USP9Y: variants seen among roughly 807,000 people sequenced by gnomAD.
The protein encoded by USP9Y is ubiquitin specific peptidase 9 Y-linked.
USP9Y carries 41 observed loss-of-function variants against 53.1 expected under a neutral mutation model. The observed-to-expected ratio is 0.77, with a 90% CI of 0.60 to 1.00. The LOEUF (loss-of-function observed/expected upper bound fraction) is 1.00, where lower values mean the gene tolerates loss of function less well. USP9Y is among the 50% of genes least tolerant of loss of function. USP9Y has a pLI of 0.00. For synonymous variants in USP9Y, 220 were observed against 173.7 expected, an observed-to-expected ratio of 1.27 and a Z score of -2.09; for missense variants, 567 against 535.8, an observed-to-expected ratio of 1.06 and a Z score of -0.58.
At chrY:12,712,770 C>T (rs2053426053) in intron 3 of USP9Y, among the ~76,000 whole-genome samples, 2 of 32,737 alleles carry the variant, frequency 6.1e-5, no homozygotes, top group Non-Finnish European at 1.5e-4. Flanking sequence ...TGTAATTGAA[C>T]ATTCTATATA....
intron 33 of USP9Y, among the ~76,000 whole-genome samples, chrY:12,828,397 T>C: frequency 3.0e-5 from 1 of 33,756 alleles, no homozygotes; most frequent in East Asian, 7.7e-4. Flanking sequence ...GCTTAGTTGG[T>C]TTAAATCAAT....
chrY:12,775,793 G>A, intron 18 of USP9Y, among the ~76,000 whole-genome samples: 2 of 32,546 alleles, frequency 6.1e-5, no homozygotes, highest in African/African-American at 1.2e-4. Flanking sequence ...ATTCATTATC[G>A]TACGTTGAGA....
chrY:12,735,786 CTTA>C, intron 8 of USP9Y, 59 bp downstream of exon 8: 8 of 268,458 alleles, frequency 3.0e-5, no homozygotes, highest in South Asian at 1.1e-4. Context: ...AATTGCAGCT[CTTA>C]TTAAGTTATG....
At chrY:12,752,694 A>G in intron 12 of USP9Y, among the ~76,000 whole-genome samples, 1 of 32,909 alleles carries the variant, frequency 3.0e-5, no homozygotes, top group African/African-American at 1.2e-4. Context: ...TTCATTGTTA[A>G]TAACGTTAGC....
At chrY:12,817,786 G>A (rs2053537626) in intron 32 of USP9Y, among the ~76,000 whole-genome samples, 2 of 33,640 alleles carry the variant, frequency 5.9e-5, no homozygotes, top group African/African-American at 2.3e-4. Flanking sequence ...TGGCATGCAT[G>A]TGTCTGCCTA....
chrY:12,819,279 G>T (rs2053538931), intron 33 of USP9Y, among the ~76,000 whole-genome samples: 1 of 33,861 alleles, frequency 3.0e-5, no homozygotes, highest in African/African-American at 1.1e-4. Context: ...TATCTATATA[G>T]ATTTTTTTAT....
chrY:12,832,078 T>C, intron 33 of USP9Y, among the ~76,000 whole-genome samples: 2 of 33,072 alleles, frequency 6.0e-5, no homozygotes, highest in Admixed American at 2.8e-4. Context: ...CCCACTTACA[T>C]GAGGTTGTAT....
chrY:12,786,668 A>C lies in USP9Y; in HGVS notation c.3429A>C (p.Glu1143Asp), dbSNP rs756289933. The C allele has an allele frequency of 2.5e-6, 1 of 398,034 alleles. No individual in the cohort carries two copies. Among genetic ancestry groups the C allele is most frequent in the South Asian group, 3.0e-5 (1 of 33,749 alleles). ...RNNFLPNTDM[E>D]TRRGAYLNAL... ...ACTTCTTGCCAAATACAGATATGGA[A>C]ACTCGAAGGGGTGCTTATTTAAATG... Residue 1143 changes from glutamate to aspartate, a missense_variant, in exon 24 of 46, where the codon GAA becomes GAC. Coordinates refer to ENST00000338981, the MANE Select transcript of USP9Y (RefSeq NM_004654.4).
chrY:12,736,588 C>A, intron 10 of USP9Y, 39 bp downstream of exon 10: 1 of 378,390 alleles, frequency 2.6e-6, no homozygotes, highest in Non-Finnish European at 3.7e-6. Context: ...TAAGACACTG[C>A]TTATGGAAAA....
chrY:12,827,894 G>A, intron 33 of USP9Y, among the ~76,000 whole-genome samples: 1 of 32,721 alleles, frequency 3.1e-5, no homozygotes, highest in Non-Finnish European at 7.5e-5. Context: ...CCAGGAGGTG[G>A]AGTTTGCAAT....
At chrY:12,765,397 T>C (rs2053479400) in intron 15 of USP9Y, among the ~76,000 whole-genome samples, 1 of 32,686 alleles carries the variant, frequency 3.1e-5, no homozygotes, top group Non-Finnish European at 7.5e-5. Flanking sequence ...ATGTTTTTGC[T>C]TTGTCATGTT....
chrY:12,756,858 T>A, intron 12 of USP9Y, among the ~76,000 whole-genome samples: 1 of 34,225 alleles, frequency 2.9e-5, no homozygotes, highest in Non-Finnish European at 7.3e-5. Flanking sequence ...TGAGGATTAC[T>A]TAATCATCTG....
At chrY:12,743,155 G>C (rs2053457998) in intron 12 of USP9Y, among the ~76,000 whole-genome samples, 1 of 32,374 alleles carries the variant, frequency 3.1e-5, no homozygotes, top group African/African-American at 1.2e-4. Context: ...CTTAGTACCA[G>C]AAGTATTTTG....
In USP9Y at chrY:12,859,716, A is replaced by ACGGCG. The variant is rs1434471072; in HGVS notation, c.*300_*301insCGGCG. 1 of 26,020 alleles carries ACGGCG rather than the reference A, an allele frequency of 3.8e-5. No individual in the cohort carries two copies. Among genetic ancestry groups the ACGGCG allele is most frequent in the Non-Finnish European group, 9.1e-5 (1 of 10,930 alleles). 6.5% of individuals were successfully genotyped at this position (26,020 alleles called of 400,897 possible). A position where few individuals can be genotyped will look rare whatever the true frequency, so the allele number is the denominator to read the frequency against. ...TAAGCAAGAAACTTTTTTTGATGAA[A>ACGGCG]ACAAGTCAGATCTACACAGTCACAC... On this transcript the variant is annotated 3_prime_UTR_variant, in exon 46 of 46. Transcript: ENST00000338981.
intron 34 of USP9Y, among the ~76,000 whole-genome samples, chrY:12,835,833 G>C (rs2053555028): frequency 3.0e-5 from 1 of 32,991 alleles, no homozygotes; most frequent in African/African-American, 1.2e-4. Context: ...GAAAATATTG[G>C]TTAGATGAAT....
rs368795914 is a variant in USP9Y, at chrY:12,840,160, C to A, written c.5634C>A (p.Ser1878Arg). The change falls in exon 36 of 46, where the codon AGC (serine) becomes AGA (arginine). Residue 1878 changes from serine to arginine, a missense_variant. Transcript: ENST00000338981. Reference protein sequence around the residue: ...VGVLVHSGQASGGHYYSYIIQ... With the variant: ...VGVLVHSGQARGGHYYSYIIQ... ...TGCTTGTACACAGTGGTCAAGCAAGCGGTGGGCATTATTATTCTTACATCA... is the reference window on the plus strand; with the variant it reads ...TGCTTGTACACAGTGGTCAAGCAAGAGGTGGGCATTATTATTCTTACATCA... 4.0e-5 allele frequency: 16 copies of A among 395,636 alleles called. No individual in the cohort carries two copies. The highest frequency in any genetic ancestry group is 5.7e-5 in the Non-Finnish European group (16 of 282,745).
chrY:12,834,547 C>T, intron 34 of USP9Y, among the ~76,000 whole-genome samples: 1 of 33,559 alleles, frequency 3.0e-5, no homozygotes, highest in Non-Finnish European at 7.4e-5. Context: ...CATATCCATA[C>T]TGTCTCTGTG....
chrY:12,704,310 A>G (rs2053418228), intron 1 of USP9Y, among the ~76,000 whole-genome samples: 1 of 33,505 alleles, frequency 3.0e-5, no homozygotes, highest in Non-Finnish European at 7.4e-5. Context: ...GTATTCATGT[A>G]TTGAACCAAC....
intron 29 of USP9Y, 126 bp from the exon 30 acceptor site, chrY:12,811,509 C>A: frequency 4.2e-6 from 1 of 236,904 alleles, no homozygotes; most frequent in Non-Finnish European, 6.7e-6. Context: ...AATAGGAAAC[C>A]ACTTGAACAG....
Sources: gnomAD v4.1 joint callset for allele counts (sites outside exome capture counted in the v4.1 genomes callset) on GRCh38, gnomAD v4.1.1 for gene constraint, MANE v1.5 for transcripts, NCBI Gene and HGNC (gene_info 2026-07-23, HGNC 2026-07-21) for gene names.